The following HM13 variants were observed in gnomAD, a reference collection of about 807,000 sequenced individuals.
The protein encoded by HM13 is signal peptide peptidase.
In HM13, 18 loss-of-function variants were observed where a neutral mutation model predicts 50.0. The observed-to-expected ratio is 0.36, with a 90% CI of 0.25 to 0.53. HM13 has a LOEUF of 0.53. Ranked by LOEUF, HM13 falls within the 20% of genes least tolerant of loss-of-function variation. The probability of loss-of-function intolerance (pLI) is 0.90; values close to 1 mark genes in which losing one functional copy is unlikely to be tolerated. For missense variants in HM13, 393 were observed against 552.4 expected (o/e 0.71, Z 2.89); for synonymous variants, 197 against 232.6 (o/e 0.85, Z 1.39).
intron 2 of HM13, among the ~76,000 whole-genome samples, chr20:31,529,247 T>G (rs1982671388): frequency 1.3e-5 from 2 of 151,722 alleles, no homozygotes; most frequent in Non-Finnish European, 1.5e-5. Flanking sequence ...TTGTTTTGTT[T>G]GTTTTGTTTT....
intron 1 of HM13, among the ~76,000 whole-genome samples, chr20:31,517,307 G>A (rs1981850997): frequency 6.6e-6 from 1 of 152,190 alleles, no homozygotes; most frequent in Non-Finnish European, 1.5e-5. Context: ...TTGTGAAGAA[G>A]TAGCCTTGGG....
chr20:31,533,537 T>C (rs1175719496), intron 2 of HM13, among the ~76,000 whole-genome samples: 1 of 152,124 alleles, frequency 6.6e-6, no homozygotes, highest in Admixed American at 6.5e-5. Context: ...CTTCATATTT[T>C]CCTGATGCCT....
intron 2 of HM13, among the ~76,000 whole-genome samples, chr20:31,536,491 AG>A (rs1160835100): frequency 2.0e-5 from 3 of 152,012 alleles, no homozygotes; most frequent in African/African-American, 7.2e-5. Flanking sequence ...CTAGCCCTGC[AG>A]GGTCTTCTAC....
intron 6 of HM13, 79 bp downstream of exon 6, chr20:31,549,411 G>A (rs1983904609): frequency 1.9e-6 from 3 of 1,582,168 alleles, no homozygotes; most frequent in South Asian, 2.2e-5. Flanking sequence ...GGCCCAAGTT[G>A]CAGTCATCTG....
chr20:31,563,590 C>T (rs1984738751), intron 10 of HM13, among the ~76,000 whole-genome samples: 1 of 152,058 alleles, frequency 6.6e-6, no homozygotes, highest in Admixed American at 6.5e-5. Flanking sequence ...TCCCAAAGTG[C>T]TGGGATTACA....
At chr20:31,523,225 A>G (rs1982283200) in intron 1 of HM13, among the ~76,000 whole-genome samples, 1 of 148,680 alleles carries the variant, frequency 6.7e-6, no homozygotes, top group Admixed American at 6.7e-5. Context: ...TAATTTTTGT[A>G]TTTTTAGTAG....
At chr20:31,549,435 G>A (rs1412123489) in intron 6 of HM13, 103 bp downstream of exon 6, 32 of 1,492,060 alleles carry the variant, frequency 2.1e-5, no homozygotes, top group Non-Finnish European at 2.9e-5. Context: ...GAGAAGAGCT[G>A]TTTTGGGCTG....
intron 1 of HM13, among the ~76,000 whole-genome samples, chr20:31,520,612 G>C (rs1415696585): frequency 6.6e-6 from 1 of 152,124 alleles, no homozygotes; most frequent in Non-Finnish European, 1.5e-5. Context: ...CTTCTCCAGA[G>C]GTTTTTAAGC....
intron 3 of HM13, chr20:31,541,490 TA>T (rs5841079): frequency 0.68 from 92,409 of 136,762 alleles, 30,703 homozygotes; most frequent in African/African-American, 0.87. Flanking sequence ...CTGAAAAATA[TA>T]AAAAAAAAAA....
chr20:31,531,927 C>T (rs1982844125), intron 2 of HM13, among the ~76,000 whole-genome samples: 1 of 152,122 alleles, frequency 6.6e-6, no homozygotes, highest in South Asian at 2.1e-4. Flanking sequence ...CACCACTGAA[C>T]TCCAGCCTGG....
In HM13 at chr20:31,549,245, C is replaced by T. The variant is rs977034336; in HGVS notation, c.579C>T (p.Ser193=). 8.7e-6 allele frequency: 14 copies of T among 1,614,070 alleles called. No homozygotes were observed. The highest frequency in any genetic ancestry group is 1.2e-5 in the Non-Finnish European group (14 of 1,180,040). ...IANNLFGLAF[S]LNGVELLHLN... ...ACAACCTTTTTGGCCTGGCCTTCTCCCTTAATGGAGTAGAGCTCCTGCACC... is the reference window on the plus strand; with the variant it reads ...ACAACCTTTTTGGCCTGGCCTTCTCTCTTAATGGAGTAGAGCTCCTGCACC... The change falls in exon 6 of 13, where the codon TCC becomes TCT. Residue 193 remains serine (S), a synonymous_variant. Transcript: ENST00000398174.
chr20:31,559,918 A>G (rs1015680690), intron 9 of HM13, among the ~76,000 whole-genome samples: 2 of 152,218 alleles, frequency 1.3e-5, no homozygotes, highest in African/African-American at 4.8e-5. Context: ...TGACCTTGAC[A>G]AGTGGCCTGA....
chr20:31,568,895 C>T (rs1568803737), intron 12 of HM13, among the ~76,000 whole-genome samples: 2 of 152,222 alleles, frequency 1.3e-5, no homozygotes, highest in Non-Finnish European at 2.9e-5. Flanking sequence ...CTTGCTGCCT[C>T]CTGGTACCCC....
At chr20:31,553,629 T>C (rs996232907) in intron 7 of HM13, among the ~76,000 whole-genome samples, 2 of 152,032 alleles carry the variant, frequency 1.3e-5, no homozygotes, top group Non-Finnish European at 2.9e-5. Flanking sequence ...TAAGGCCCAC[T>C]TATAACTGCT....
intron 7 of HM13, chr20:31,550,403 C>T (rs1251219562): frequency 1.7e-5 from 7 of 409,098 alleles, no homozygotes; most frequent in East Asian, 4.2e-5. Context: ...CCGGGGGGCA[C>T]GCGCAGGGGC....
chr20:31,566,947 TGTCA>T (rs756567684), intron 11 of HM13, among the ~76,000 whole-genome samples: 2 of 152,076 alleles, frequency 1.3e-5, no homozygotes, highest in Non-Finnish European at 2.9e-5. Context: ...TAGAAATAGC[TGTCA>T]GTTGCGATTA....
At chr20:31,538,336 A>C (rs1983237782) in intron 3 of HM13, 75 bp downstream of exon 3, 2 of 1,613,072 alleles carry the variant, frequency 1.2e-6, no homozygotes, top group Non-Finnish European at 8.5e-7. Context: ...TGAGAACATG[A>C]CTTTTGGCAT....
chr20:31,547,733 C>A, intron 4 of HM13: 1 of 1,092,906 alleles, frequency 9.1e-7, no homozygotes, highest in Non-Finnish European at 1.4e-6. Flanking sequence ...AGAAAGGGGC[C>A]TTTTTGTCCA....
chr20:31,518,561 G>A (rs932524491), intron 1 of HM13, among the ~76,000 whole-genome samples: 2 of 151,512 alleles, frequency 1.3e-5, no homozygotes, highest in Non-Finnish European at 2.9e-5. Flanking sequence ...CACAAGAATC[G>A]CTTGAACCCG....
Sources: allele counts gnomAD v4.1 joint callset (sites outside exome capture counted in the v4.1 genomes callset), GRCh38; gene constraint gnomAD v4.1.1; transcripts MANE v1.5; gene names NCBI Gene and HGNC (gene_info 2026-07-23, HGNC 2026-07-21).